NFIB: variants seen among roughly 807,000 people sequenced by gnomAD.
The protein encoded by NFIB is nuclear factor I B.
NFIB carries 11 observed loss-of-function variants against 61.5 expected under a neutral mutation model. That is an observed-to-expected ratio of 0.18 (90% CI 0.11 to 0.30). NFIB has a LOEUF of 0.30. NFIB is among the 10% of genes least tolerant of loss of function. The pLI is 1.00. For synonymous variants in NFIB, 260 were observed against 216.5 expected (o/e 1.20, Z -1.76); for missense variants, 471 against 608.9 (o/e 0.77, Z 2.38).
At position 14,398,562 on chromosome 9, in the gene NFIB, T is replaced by A. The variant is rs114558598; in HGVS notation, c.70A>T (p.Ile24Phe). The change falls in exon 1 of 9, where the codon ATT becomes TTT. Residue 24 changes from isoleucine to phenylalanine, a missense_variant. By Grantham distance (21) the Ile-to-Phe change is conservative (BLOSUM62 0). Coordinates refer to the NFIB transcript ENST00000380934. The stretch of plus-strand genomic sequence containing the variant: ...CACAGAGTTGACATTCTTTTAGGAA[T>A]CCCAGGGTTACATTTCAGAACTGCA... 4.2e-3 allele frequency: 6,455 copies of A among 1,535,328 alleles called. 216 individuals are homozygous for A. In the African/African-American group the frequency reaches 0.077, roughly 18 times the overall value.
At chr9:14,387,403 G>C (rs950450857) in intron 1 of NFIB, among the ~76,000 whole-genome samples, 1 of 152,126 alleles carries the variant, frequency 6.6e-6, no homozygotes, top group Admixed American at 6.5e-5. Flanking sequence ...TTTGAGAAAA[G>C]TGATTCTAAA....
chr9:14,148,510 A>G (rs777981129), intron 5 of NFIB, among the ~76,000 whole-genome samples: 1 of 152,202 alleles, frequency 6.6e-6, no homozygotes, highest in African/African-American at 2.4e-5. Context: ...CAGCAATAAT[A>G]ACCATAATGT....
Position 14,175,282 on chromosome 9 carries a change from T to C in NFIB, c.616+4445A>G, listed in dbSNP as rs139947740. Among the ~76,000 whole-genome samples the C allele has an allele frequency of 8.7e-3, 1,257 of 145,098 alleles. 19 individuals are homozygous for C. The highest frequency in any genetic ancestry group is 0.031 in the African/African-American group (1,213 of 39,566). On this transcript the variant is annotated intron_variant, in intron 3 of 10. Transcript: ENST00000380953. ...TCCGCCTCCCAGGTTCACGCCACTC[T>C]CCTGCCTCAGCCTCCCCAGCAGCTG...
upstream of NFIB, among the ~76,000 whole-genome samples, chr9:14,403,796 C>T (rs2061765434): frequency 6.6e-6 from 1 of 152,104 alleles, no homozygotes; most frequent in Admixed American, 6.5e-5. Flanking sequence ...GCAAATCTTT[C>T]TCTGTCAAAG....
intron 2 of NFIB, among the ~76,000 whole-genome samples, chr9:14,253,945 T>C (rs2055932588): frequency 6.6e-6 from 1 of 152,176 alleles, no homozygotes; most frequent in Non-Finnish European, 1.5e-5. Context: ...GCTCATGCTG[T>C]TCCCCTGGTC....
chr9:14,477,655 T>C, the NFIB span, among the ~76,000 whole-genome samples: 1 of 152,198 alleles, frequency 6.6e-6, no homozygotes, highest in Admixed American at 6.5e-5. Context: ...GTTATTTCTA[T>C]GTTGTAAAAG....
intron 2 of NFIB, among the ~76,000 whole-genome samples, chr9:14,227,603 GT>G (rs1439664693): frequency 6.6e-6 from 1 of 152,024 alleles, no homozygotes; most frequent in African/African-American, 2.4e-5. Flanking sequence ...TGTAATCATG[GT>G]TTTTTTAAAA....
the NFIB span, among the ~76,000 whole-genome samples, chr9:14,463,146 T>C: frequency 4.6e-5 from 3 of 64,984 alleles, no homozygotes; most frequent in East Asian, 1.8e-3. Flanking sequence ...AAAATAATTA[T>C]TTTGATTGTT....
At chr9:14,370,191 TG>T (rs2061343919) in intron 1 of NFIB, among the ~76,000 whole-genome samples, 1 of 152,242 alleles carries the variant, frequency 6.6e-6, no homozygotes. Context: ...TATCACATCC[TG>T]GGTGAAGCTT....
At chr9:14,379,112 C>T (rs1416499989) in intron 1 of NFIB, among the ~76,000 whole-genome samples, 1 of 152,178 alleles carries the variant, frequency 6.6e-6, no homozygotes, top group Non-Finnish European at 1.5e-5. Flanking sequence ...TAACCAATCA[C>T]CTCTCAGCAT....
At chr9:14,423,921 C>T in the NFIB span, among the ~76,000 whole-genome samples, 30 of 152,250 alleles carry the variant, frequency 2.0e-4, no homozygotes, top group Admixed American at 1.8e-3. Context: ...ATCCATTTCC[C>T]ATCCTTCACA....
At chr9:14,314,838 C>A (rs1333669809), upstream of NFIB, among the ~76,000 whole-genome samples, 2 of 151,400 alleles carry the variant, frequency 1.3e-5, no homozygotes, top group Non-Finnish European at 2.9e-5. Flanking sequence ...GCCCTCCCCA[C>A]ACCAGCACAC....
chr9:14,119,553 C>T (rs757577715), intron 8 of NFIB, among the ~76,000 whole-genome samples: 3 of 152,222 alleles, frequency 2.0e-5, no homozygotes, highest in Admixed American at 1.3e-4. Context: ...TATTTACTAG[C>T]ATTTCAGGAA....
intron 6 of NFIB, among the ~76,000 whole-genome samples, chr9:14,134,897 C>CAAAAAAAAA (rs57014530): frequency 1.6e-5 from 1 of 64,334 alleles, no homozygotes; most frequent in African/African-American, 4.6e-5. Context: ...GACTCTGTCT[C>CAAAAAAAAA]AAAAAAAAAA....
chr9:14,399,076 C>T (rs1432441132), upstream of NFIB: 1 of 197,008 alleles, frequency 5.1e-6, no homozygotes, highest in Non-Finnish European at 1.1e-5. Context: ...ATGGGAATTT[C>T]AAAAACGTAG....
intron 1 of NFIB, chr9:14,361,270 A>G (rs949407069): frequency 1.8e-4 from 27 of 152,088 alleles, no homozygotes; most frequent in African/African-American, 6.5e-4. Context: ...TTCTTAAAAA[A>G]AAAAAAAAAA....
chr9:14,206,030 G>A (rs2049655316), intron 2 of NFIB, among the ~76,000 whole-genome samples: 1 of 151,786 alleles, frequency 6.6e-6, no homozygotes, highest in Non-Finnish European at 1.5e-5. Context: ...AGACATTTAG[G>A]GACTTTTATC....
intron 1 of NFIB, among the ~76,000 whole-genome samples, chr9:14,338,322 A>T (rs1162714418): frequency 1.3e-5 from 2 of 152,102 alleles, no homozygotes; most frequent in African/African-American, 4.8e-5. Context: ...TGAACCCGGG[A>T]GGCGGAGGTT....
intron 1 of NFIB, among the ~76,000 whole-genome samples, chr9:14,319,922 T>G (rs2060624915): frequency 6.6e-6 from 1 of 152,166 alleles, no homozygotes; most frequent in Non-Finnish European, 1.5e-5. Context: ...CACAAACAAT[T>G]GGGCCTAAAC....
Sources: allele counts gnomAD v4.1 joint callset (sites outside exome capture counted in the v4.1 genomes callset), GRCh38; gene constraint gnomAD v4.1.1; transcripts MANE v1.5; gene names NCBI Gene and HGNC (gene_info 2026-07-23, HGNC 2026-07-21).